PTPRD: variants seen among roughly 807,000 people sequenced by gnomAD.
PTPRD encodes protein tyrosine phosphatase receptor type D.
PTPRD carries 34 observed loss-of-function variants against 214.5 expected under a neutral mutation model. That is an observed-to-expected ratio of 0.16 (90% CI 0.12 to 0.21). The LOEUF (loss-of-function observed/expected upper bound fraction) is 0.21. PTPRD is among the 10% of genes least tolerant of loss of function. The pLI, the probability that PTPRD is intolerant of heterozygous loss-of-function variation, is 1.00. For missense variants in PTPRD, 2,545 were observed against 2,398.7 expected (o/e 1.06, Z -1.27); for synonymous variants, 1,128 against 845.7 (o/e 1.33, Z -5.79).
At chr9:9,496,439 A>T (rs1346290154) in intron 8 of PTPRD, among the ~76,000 whole-genome samples, 1 of 152,318 alleles carries the variant, frequency 6.6e-6, no homozygotes. Flanking sequence ...TCCAACTAGG[A>T]TACACAAATG....
At chr9:8,974,104 G>A (rs1003641180) in intron 11 of PTPRD, among the ~76,000 whole-genome samples, 4 of 151,968 alleles carry the variant, frequency 2.6e-5, no homozygotes, top group African/African-American at 9.7e-5. Context: ...TTGGGGACTT[G>A]TCCATAAATT....
At chr9:8,459,997 A>G (rs980552453) in intron 33 of PTPRD, among the ~76,000 whole-genome samples, 1 of 152,150 alleles carries the variant, frequency 6.6e-6, no homozygotes, top group African/African-American at 2.4e-5. Context: ...TAGAATTATG[A>G]TATGTATACA....
chr9:10,607,041 G>A (rs1204680267), intron 2 of PTPRD, among the ~76,000 whole-genome samples: 1 of 151,730 alleles, frequency 6.6e-6, no homozygotes, highest in African/African-American at 2.4e-5. Flanking sequence ...ATTCATACAA[G>A]GCATCCCAGT....
At position 8,622,916 on chromosome 9, in the gene PTPRD, A is replaced by G. The variant is rs551495692; in HGVS notation, c.352+10401T>C. Reference sequence around the variant, plus strand: ...GACTTTGGGAAAACGAGGTGGGAGGATCGCTTAAGCCAAGAGTTCAAGACC... The same window carrying G: ...GACTTTGGGAAAACGAGGTGGGAGGGTCGCTTAAGCCAAGAGTTCAAGACC... On this transcript the variant is annotated intron_variant, in intron 14 of 45. Coordinates refer to ENST00000381196, the MANE Select transcript of PTPRD (RefSeq NM_002839.4). Among the ~76,000 whole-genome samples, 23 of 151,906 alleles carry G rather than the reference A, an allele frequency of 1.5e-4. No individual in the cohort carries two copies. The South Asian group carries it at 1.7e-3, about 11-fold the overall frequency.
At chr9:9,858,406 T>C (rs937766127) in intron 5 of PTPRD, among the ~76,000 whole-genome samples, 11 of 152,214 alleles carry the variant, frequency 7.2e-5, no homozygotes, top group African/African-American at 2.7e-4. Context: ...GCTCTCAAAT[T>C]TGGTGCATAA....
At chr9:9,826,953 G>A (rs943527920) in intron 5 of PTPRD, among the ~76,000 whole-genome samples, 3 of 152,040 alleles carry the variant, frequency 2.0e-5, no homozygotes, top group Admixed American at 2.0e-4. Context: ...CAAGGGATGT[G>A]AAGGACCTCT....
intron 9 of PTPRD, among the ~76,000 whole-genome samples, chr9:9,335,793 G>C (rs1595960362): frequency 1.3e-5 from 2 of 151,918 alleles, no homozygotes; most frequent in East Asian, 3.9e-4. Flanking sequence ...CCAGAAACTA[G>C]AAAAACGTAG....
chr9:10,298,390 G>T (rs1248918576), intron 3 of PTPRD, among the ~76,000 whole-genome samples: 4 of 102,052 alleles, frequency 3.9e-5, no homozygotes, highest in African/African-American at 1.1e-4. Flanking sequence ...ATTATAGTAC[G>T]ATATGATCCT....
chr9:9,126,016 G>A (rs1202743303), intron 10 of PTPRD, among the ~76,000 whole-genome samples: 1 of 152,138 alleles, frequency 6.6e-6, no homozygotes, highest in African/African-American at 2.4e-5. Flanking sequence ...AGAATGGAGG[G>A]TATCATGCCT....
At chr9:9,911,568 A>G (rs542886422) in intron 5 of PTPRD, among the ~76,000 whole-genome samples, 1 of 152,256 alleles carries the variant, frequency 6.6e-6, no homozygotes, top group South Asian at 2.1e-4. Flanking sequence ...TCATTTTAAT[A>G]AAGTTAACAT....
At chr9:10,185,801 T>C (rs1365125173) in intron 3 of PTPRD, among the ~76,000 whole-genome samples, 1 of 151,734 alleles carries the variant, frequency 6.6e-6, no homozygotes, top group East Asian at 2.0e-4. Context: ...GTGACCTAAC[T>C]TGTTTCCTGG....
chr9:10,605,889 G>T (rs768669969), intron 2 of PTPRD, among the ~76,000 whole-genome samples: 1 of 151,700 alleles, frequency 6.6e-6, no homozygotes, highest in African/African-American at 2.4e-5. Flanking sequence ...TTATGCTGCC[G>T]TATTATGCAT....
At chr9:10,373,182 C>A (rs1222800040) in intron 2 of PTPRD, among the ~76,000 whole-genome samples, 1 of 148,940 alleles carries the variant, frequency 6.7e-6, no homozygotes, top group South Asian at 2.1e-4. Context: ...TACAAAAATT[C>A]AACATAAAGC....
chr9:9,733,055 C>T (rs1203212451), intron 7 of PTPRD, among the ~76,000 whole-genome samples: 4 of 152,236 alleles, frequency 2.6e-5, no homozygotes, highest in Non-Finnish European at 2.9e-5. Flanking sequence ...AAAGGTAATG[C>T]AAAATTCTAC....
intron 3 of PTPRD, among the ~76,000 whole-genome samples, chr9:10,140,750 G>C (rs1390089569): frequency 6.6e-6 from 1 of 152,056 alleles, no homozygotes; most frequent in African/African-American, 2.4e-5. Context: ...CTCATTTTAT[G>C]AGGCCAGCAT....
intron 2 of PTPRD, among the ~76,000 whole-genome samples, chr9:10,446,941 C>A (rs531519879): frequency 5.5e-4 from 84 of 152,270 alleles, no homozygotes; most frequent in African/African-American, 1.7e-3. Context: ...GACACGTTTA[C>A]AGAACTCCAT....
At chr9:8,755,385 C>A (rs889152218) in intron 11 of PTPRD, among the ~76,000 whole-genome samples, 3 of 151,816 alleles carry the variant, frequency 2.0e-5, no homozygotes, top group Non-Finnish European at 2.9e-5. Flanking sequence ...CAAAATTAGC[C>A]GAGCATGGCG....
intron 11 of PTPRD, among the ~76,000 whole-genome samples, chr9:8,745,442 C>T (rs1003088151): frequency 1.3e-5 from 2 of 152,042 alleles, no homozygotes; most frequent in Non-Finnish European, 2.9e-5. Context: ...GGGAAGGCAA[C>T]CTTAAAGGCG....
At chr9:8,541,296 C>A (rs2078345158) in intron 14 of PTPRD, among the ~76,000 whole-genome samples, 2 of 152,156 alleles carry the variant, frequency 1.3e-5, no homozygotes, top group Non-Finnish European at 2.9e-5. Context: ...ATGGTGCAAT[C>A]ATAGTTCACT....
Sources: allele counts gnomAD v4.1 joint callset (sites outside exome capture counted in the v4.1 genomes callset), GRCh38; gene constraint gnomAD v4.1.1; transcripts MANE v1.5; gene names NCBI Gene and HGNC (gene_info 2026-07-23, HGNC 2026-07-21).